The following ANP32A variants were observed in gnomAD, a reference collection of about 807,000 sequenced individuals.
The protein encoded by ANP32A is acidic leucine-rich nuclear phosphoprotein 32 family member A.
In ANP32A, 1 loss-of-function variant was observed where a neutral mutation model predicts 33.9. That is an observed-to-expected ratio of 0.03 (90% confidence interval 0.01 to 0.14). The LOEUF (loss-of-function observed/expected upper bound fraction) is 0.14. Among genes scored for constraint, ANP32A ranks in the 10% least tolerant of loss-of-function variants. ANP32A has a pLI of 1.00. For synonymous variants in ANP32A, 115 were observed against 120.5 expected (o/e 0.95, Z 0.30); for missense variants, 155 against 306.0 (o/e 0.51, Z 3.68).
At chr15:68,786,252 CTTTTTTTTTTTTTT>C (rs558065991) in intron 3 of ANP32A, among the ~76,000 whole-genome samples, 40 of 90,134 alleles carry the variant, frequency 4.4e-4, no homozygotes, top group South Asian at 7.9e-4. Flanking sequence ...GCTGCTGCTG[CTTTTTTTTTTTTTT>C]TTTTTTTTTT....
rs932874765 is a variant in ANP32A, at chr15:68,779,447, G to C, written c.*634C>G. 6.6e-6 allele frequency: 1 copy of C among 152,132 alleles called. No individual in the cohort carries two copies. Among genetic ancestry groups the C allele is most frequent in the Admixed American group, 6.5e-5 (1 of 15,270 alleles). 9.4% of individuals were successfully genotyped at this position (152,132 alleles called of 1,614,324 possible). A position where few individuals can be genotyped will look rare whatever the true frequency, so the allele number is the denominator to read the frequency against. ...CGGTTTTCAGCTCTCTGGCTCATAAGCTCAAGAGTAACATCAGAGTCCTCT... is the reference window on the plus strand; with the variant it reads ...CGGTTTTCAGCTCTCTGGCTCATAACCTCAAGAGTAACATCAGAGTCCTCT... On this transcript the variant is annotated 3_prime_UTR_variant, in exon 7 of 7. Coordinates refer to ENST00000465139, the MANE Select transcript of ANP32A (RefSeq NM_006305.4).
At chr15:68,787,735 C>T (rs766949764) in intron 2 of ANP32A, 35 bp downstream of exon 2, 14 of 1,605,732 alleles carry the variant, frequency 8.7e-6, no homozygotes, top group South Asian at 3.3e-5. Context: ...TCCCCACCCC[C>T]GCCTCCCAGC....
At chr15:68,781,291 C>T (rs997346822) in intron 5 of ANP32A, 1 of 151,898 alleles carries the variant, frequency 6.6e-6, no homozygotes, top group Non-Finnish European at 1.5e-5. Flanking sequence ...CATGTATAAG[C>T]TCTCCTTTAC....
At chr15:68,784,934 A>T (rs1291979074) in intron 3 of ANP32A, among the ~76,000 whole-genome samples, 1 of 152,212 alleles carries the variant, frequency 6.6e-6, no homozygotes, top group African/African-American at 2.4e-5. Context: ...TGCATGAGCC[A>T]AGAGGTTTAC....
chr15:68,796,534 C>A (rs8028909), intron 1 of ANP32A, among the ~76,000 whole-genome samples: 137,268 of 152,220 alleles, frequency 0.9, 62,294 homozygotes, highest in Middle Eastern at 0.97. Flanking sequence ...ACTCTTTCTA[C>A]ATGGTTGTTC....
chr15:68,793,845 GC>G (rs1427128185), intron 1 of ANP32A, among the ~76,000 whole-genome samples: 10 of 152,218 alleles, frequency 6.6e-5, no homozygotes, highest in Admixed American at 3.3e-4. Flanking sequence ...CGGGTCACAT[GC>G]CTGTGAAGCT....
chr15:68,781,476 AGG>A (rs1229265503), intron 5 of ANP32A: 4 of 144,846 alleles, frequency 2.8e-5, no homozygotes, highest in Non-Finnish European at 4.5e-5. Flanking sequence ...GCCCTGTTCT[AGG>A]GGAACCTGTT....
At chr15:68,782,414 C>T (rs766606895) in intron 5 of ANP32A, among the ~76,000 whole-genome samples, 2 of 152,118 alleles carry the variant, frequency 1.3e-5, no homozygotes, top group Non-Finnish European at 2.9e-5. Flanking sequence ...ACACAGCTTG[C>T]GAGTGGTAGA....
intron 3 of ANP32A, 27 bp downstream of exon 3, chr15:68,787,386 A>T: frequency 6.2e-7 from 1 of 1,613,784 alleles, no homozygotes; most frequent in Non-Finnish European, 8.5e-7. Context: ...CTACCCCTGC[A>T]GGGAGGGGAG....
At chr15:68,782,627 T>G (rs1893883429) in intron 5 of ANP32A, 2 of 308,752 alleles carry the variant, frequency 6.5e-6, no homozygotes, top group Non-Finnish European at 1.2e-5. Flanking sequence ...ATATCTTAAT[T>G]AGCATATGAA....
At chr15:68,815,424 G>A (rs755114061) in intron 1 of ANP32A, among the ~76,000 whole-genome samples, 24 of 150,522 alleles carry the variant, frequency 1.6e-4, no homozygotes, top group Admixed American at 4.6e-4. Flanking sequence ...TTTTTGTAAC[G>A]AGATCTGTTA....
chr15:68,816,798 G>C (rs985584170), intron 1 of ANP32A, among the ~76,000 whole-genome samples: 1 of 152,134 alleles, frequency 6.6e-6, no homozygotes, highest in Admixed American at 6.5e-5. Context: ...TAATTCCTAA[G>C]CCCATCTTCA....
chr15:68,807,011 G>A (rs1037999570), intron 1 of ANP32A, among the ~76,000 whole-genome samples: 1 of 152,256 alleles, frequency 6.6e-6, no homozygotes, highest in African/African-American at 2.4e-5. Flanking sequence ...AGGGGGTATG[G>A]ACATATAAAG....
chr15:68,802,655 CTTAT>C (rs1380419630), intron 1 of ANP32A, among the ~76,000 whole-genome samples: 1 of 152,216 alleles, frequency 6.6e-6, no homozygotes, highest in Admixed American at 6.5e-5. Context: ...GTCCTATTAT[CTTAT>C]TTATTTATTT....
intron 1 of ANP32A, among the ~76,000 whole-genome samples, chr15:68,805,887 A>G (rs552166649): frequency 2.6e-5 from 4 of 152,366 alleles, no homozygotes; most frequent in African/African-American, 9.6e-5. Context: ...CCAGCGGAAC[A>G]GAAGCCCCAC....
chr15:68,780,015 G>A lies in ANP32A; in HGVS notation c.*66C>T, dbSNP rs1056901592. 7.7e-6 allele frequency: 11 copies of A among 1,434,594 alleles called. No homozygotes were observed. Among genetic ancestry groups the A allele is most frequent in the Admixed American group, 7.3e-5 (4 of 54,724 alleles). 88.9% of individuals were successfully genotyped at this position (1,434,594 alleles called of 1,614,324 possible). ...TCAGGGGGCAGGATTGGAGGGGGGGGGGAGAGGGGATATGGGTAAAAACAG... is the reference window on the plus strand; with the variant it reads ...TCAGGGGGCAGGATTGGAGGGGGGGAGGAGAGGGGATATGGGTAAAAACAG... On this transcript the variant is annotated 3_prime_UTR_variant, in exon 7 of 7. Transcript: ENST00000465139. The surrounding 1 kb of genome is among the most constrained non-coding windows in gnomAD (Gnocchi z 4.3).
chr15:68,798,767 T>G (rs1004988293), intron 1 of ANP32A, among the ~76,000 whole-genome samples: 1 of 152,314 alleles, frequency 6.6e-6, no homozygotes, highest in South Asian at 2.1e-4. Context: ...GAGCTGCAAG[T>G]GGAGAAGAGG....
chr15:68,816,898 G>C (rs1362811625), intron 1 of ANP32A, among the ~76,000 whole-genome samples: 1 of 152,170 alleles, frequency 6.6e-6, no homozygotes, highest in Non-Finnish European at 1.5e-5. Context: ...TTTTCTGCCT[G>C]CGAGTTCCTG....
chr15:68,805,655 T>C (rs962519253), intron 1 of ANP32A, among the ~76,000 whole-genome samples: 1 of 152,206 alleles, frequency 6.6e-6, no homozygotes, highest in African/African-American at 2.4e-5. Context: ...AGCTTGTTTA[T>C]TGGGAAGAGG....
Sources: allele counts gnomAD v4.1 joint callset (sites outside exome capture counted in the v4.1 genomes callset), GRCh38; gene constraint gnomAD v4.1.1; non-coding constraint Gnocchi (gnomAD v3.1); transcripts MANE v1.5; gene names NCBI Gene and HGNC (gene_info 2026-07-23, HGNC 2026-07-21).